MYO5A: variants seen among roughly 807,000 people sequenced by gnomAD.
MYO5A encodes unconventional myosin-Va.
MYO5A carries 98 observed loss-of-function variants against 249.7 expected under a neutral mutation model. That is an observed-to-expected ratio of 0.39 (90% confidence interval 0.33 to 0.46). The LOEUF (loss-of-function observed/expected upper bound fraction) is 0.46, where lower values mean the gene tolerates loss of function less well. Ranked by LOEUF, MYO5A falls within the 20% of genes least tolerant of loss-of-function variation. The probability of loss-of-function intolerance (pLI) is 0.98; values close to 1 mark genes in which losing one functional copy is unlikely to be tolerated. For synonymous variants in MYO5A, 778 were observed against 810.6 expected, an observed-to-expected ratio of 0.96 and a Z score of 0.68; for missense variants, 1,696 against 2,308.8, an observed-to-expected ratio of 0.73 and a Z score of 5.44.
chr15:52,444,579 T>C (rs577667544), intron 1 of MYO5A, among the ~76,000 whole-genome samples: 4 of 152,104 alleles, frequency 2.6e-5, no homozygotes, highest in African/African-American at 9.6e-5. Flanking sequence ...GATTTCAAAA[T>C]GATTAGGTTG....
intron 36 of MYO5A, among the ~76,000 whole-genome samples, chr15:52,327,055 G>A (rs114875820): frequency 1.8e-3 from 281 of 152,266 alleles, no homozygotes; most frequent in African/African-American, 6.5e-3. Context: ...CTTCCCACAT[G>A]GAACCAGGCA....
chr15:52,378,686 A>C (rs1267996192), intron 18 of MYO5A, among the ~76,000 whole-genome samples: 1 of 151,980 alleles, frequency 6.6e-6, no homozygotes, highest in Non-Finnish European at 1.5e-5. Flanking sequence ...CAATTAGCTC[A>C]AAGTGAGGTA....
At chr15:52,327,436 A>T (rs2038662541) in intron 36 of MYO5A, among the ~76,000 whole-genome samples, 1 of 152,188 alleles carries the variant, frequency 6.6e-6, no homozygotes, top group African/African-American at 2.4e-5. Flanking sequence ...GGCTGGGTGC[A>T]GTGGCTCACA....
At chr15:52,515,842 G>A (rs988035295) in intron 1 of MYO5A, among the ~76,000 whole-genome samples, 2 of 152,256 alleles carry the variant, frequency 1.3e-5, no homozygotes, top group African/African-American at 4.8e-5. Context: ...GGGAGGGAGT[G>A]TAGGTCAAGG....
intron 9 of MYO5A, among the ~76,000 whole-genome samples, chr15:52,404,849 A>C (rs1265440460): frequency 2.6e-5 from 4 of 152,154 alleles, no homozygotes; most frequent in African/African-American, 9.7e-5. Context: ...TCAGTCATGA[A>C]GGCCCTTTCA....
At chr15:52,352,126 G>A (rs1262473775) in intron 27 of MYO5A, among the ~76,000 whole-genome samples, 2 of 152,240 alleles carry the variant, frequency 1.3e-5, no homozygotes, top group African/African-American at 2.4e-5. Flanking sequence ...AGGCAAGGCT[G>A]AAGGCCTTCC....
chr15:52,405,259 AT>A (rs775120881), intron 9 of MYO5A, 27 bp downstream of exon 9: 57 of 1,487,944 alleles, frequency 3.8e-5, no homozygotes, highest in Non-Finnish European at 5.2e-5. Context: ...TTCAACTGCC[AT>A]CCCACTAAAG....
chr15:52,424,387 GTGC>G (rs2141278385), intron 4 of MYO5A, among the ~76,000 whole-genome samples: 1 of 152,250 alleles, frequency 6.6e-6, no homozygotes, highest in Admixed American at 6.5e-5. Context: ...CAACTTCTCT[GTGC>G]TTCATTTTTC....
rs1233273553 is a variant in MYO5A, at chr15:52,343,139, C to T, written c.4018G>A (p.Glu1340Lys). The change falls in exon 31 of 42, where the codon GAA (glutamate) becomes AAA (lysine). Residue 1340 changes from glutamate (E) to lysine (K), a missense_variant. By Grantham distance (56) the Glu-to-Lys change is moderately conservative. Around this residue, in one of 5 missense-constraint regions of MYO5A, gnomAD observed 625 missense variants for 908.1 expected, o/e 0.69. Transcript: ENST00000399233. ...NEDGELWLVY[E>K]GLKQANRLLE... ...AACCTGTTGGCTTGTTTTAACCCTTCATAAACCAGCCACAGCTCTCCATCC... is the reference window on the plus strand; with the variant it reads ...AACCTGTTGGCTTGTTTTAACCCTTTATAAACCAGCCACAGCTCTCCATCC... 1 of 1,613,586 alleles carries T rather than the reference C, an allele frequency of 6.2e-7. No homozygotes were observed. Among genetic ancestry groups the T allele is most frequent in the East Asian group, 2.2e-5 (1 of 44,870 alleles).
At chr15:52,395,306 T>G (rs534504153) in intron 11 of MYO5A, among the ~76,000 whole-genome samples, 2 of 152,328 alleles carry the variant, frequency 1.3e-5, no homozygotes, top group East Asian at 3.9e-4. Context: ...CTCCCTATAT[T>G]ACTATTTTTA....
At chr15:52,465,489 T>C (rs901055283) in intron 1 of MYO5A, among the ~76,000 whole-genome samples, 3 of 152,054 alleles carry the variant, frequency 2.0e-5, no homozygotes, top group African/African-American at 7.3e-5. Flanking sequence ...CAAAAATATA[T>C]TTGTAAAAAA....
chr15:52,516,100 A>G (rs771234373), intron 1 of MYO5A, among the ~76,000 whole-genome samples: 1 of 152,218 alleles, frequency 6.6e-6, no homozygotes, highest in African/African-American at 2.4e-5. Flanking sequence ...AGGAAATTGA[A>G]GCATAAAGAG....
chr15:52,435,108 G>C (rs1428981405), intron 1 of MYO5A, among the ~76,000 whole-genome samples: 1 of 152,158 alleles, frequency 6.6e-6, no homozygotes, highest in Non-Finnish European at 1.5e-5. Flanking sequence ...CCAAGTACAA[G>C]AGAAATTTAT....
chr15:52,502,895 G>C (rs917205022), intron 1 of MYO5A, among the ~76,000 whole-genome samples: 2 of 152,174 alleles, frequency 1.3e-5, no homozygotes, highest in African/African-American at 4.8e-5. Context: ...AGAACCAGAG[G>C]TCATTATGTT....
chr15:52,511,890 G>A (rs141208893), intron 1 of MYO5A, among the ~76,000 whole-genome samples: 2 of 152,222 alleles, frequency 1.3e-5, no homozygotes, highest in East Asian at 3.9e-4. Flanking sequence ...TCGGCTGGGC[G>A]CAGTGGCTCA....
chr15:52,459,475 C>T (rs1481046677), intron 1 of MYO5A, among the ~76,000 whole-genome samples: 2 of 152,048 alleles, frequency 1.3e-5, no homozygotes. Flanking sequence ...TCAGAGAGCA[C>T]GGGGTTGGCG....
At chr15:52,366,299 T>C (rs904210813) in intron 23 of MYO5A, among the ~76,000 whole-genome samples, 6 of 152,174 alleles carry the variant, frequency 3.9e-5, no homozygotes, top group African/African-American at 1.2e-4. Flanking sequence ...TGTTATCTCA[T>C]TGTAAAATCT....
In MYO5A at chr15:52,391,947, G is replaced by A; in HGVS notation, c.1525C>T (p.Leu509=). 2 of 1,612,846 alleles carry A rather than the reference G, an allele frequency of 1.2e-6. No individual in the cohort carries two copies. Among genetic ancestry groups the A allele is most frequent in the Non-Finnish European group, 1.7e-6 (2 of 1,179,394 alleles). Residue 509 remains leucine (L), a synonymous_variant, in exon 12 of 42, where the codon CTG becomes TTG. Coordinates refer to ENST00000399233, the MANE Select transcript of MYO5A (RefSeq NM_001382347.1). ...ATACTTACCTTGCATTCCTCATCCA[G>A]TAAATCTAGAATGCCTAGTTTTGAT... The part of the protein sequence containing the change: ...IESKLGILDL[L]DEECKMPKGT...
intron 24 of MYO5A, among the ~76,000 whole-genome samples, chr15:52,363,802 T>C (rs570437186): frequency 4.6e-5 from 7 of 152,342 alleles, no homozygotes; most frequent in Admixed American, 2.6e-4. Flanking sequence ...GAAAGGTACA[T>C]TGGCAAATGC....
Sources: gnomAD v4.1 joint callset for allele counts (sites outside exome capture counted in the v4.1 genomes callset) on GRCh38, gnomAD v4.1.1 for gene constraint, gnomAD v4.1.1 regional missense constraint, MANE v1.5 for transcripts, NCBI Gene and HGNC (gene_info 2026-07-23, HGNC 2026-07-21) for gene names.